ABR: variants seen among roughly 807,000 people sequenced by gnomAD.
ABR encodes the protein ABR activator of RhoGEF and GTPase, also known as active breakpoint cluster region-related protein.
ABR carries 35 observed loss-of-function variants against 107.2 expected under a neutral mutation model. The observed-to-expected ratio is 0.33, with a 90% CI of 0.25 to 0.43. The LOEUF is 0.43. Ranked by LOEUF, ABR falls within the 20% of genes least tolerant of loss-of-function variation. The pLI, the probability that ABR is intolerant of heterozygous loss-of-function variation, is 1.00. For synonymous variants in ABR, 498 were observed against 462.0 expected, an observed-to-expected ratio of 1.08 and a Z score of -1.00; for missense variants, 815 against 1,115.2, an observed-to-expected ratio of 0.73 and a Z score of 3.83.
intron 4 of ABR, among the ~76,000 whole-genome samples, chr17:1,090,803 C>T (rs1333627521): frequency 2.0e-5 from 3 of 152,178 alleles, no homozygotes; most frequent in Non-Finnish European, 2.9e-5. Context: ...GGTCCTCTGG[C>T]CACTCACACC....
chr17:1,160,031 A>G (rs957181039), intron 1 of ABR, among the ~76,000 whole-genome samples: 1 of 152,064 alleles, frequency 6.6e-6, no homozygotes, highest in East Asian at 1.9e-4. Context: ...CTTGGGGCTG[A>G]GAGGAGAGGG....
intron 2 of ABR, among the ~76,000 whole-genome samples, chr17:1,103,684 A>G (rs2038058293): frequency 6.6e-6 from 1 of 152,144 alleles, no homozygotes; most frequent in South Asian, 2.1e-4. Context: ...AAGACAACTC[A>G]GGAAGACCCT....
chr17:1,176,278 T>C (rs2041916172), intron 1 of ABR, among the ~76,000 whole-genome samples: 1 of 152,042 alleles, frequency 6.6e-6, no homozygotes, highest in African/African-American at 2.4e-5. Context: ...ATTGAAGCCA[T>C]TTACCCTGCT....
intron 16 of ABR, chr17:1,031,882 C>CCCCCCCTCCCTCCGTCCGCGTCCCT (rs2072824811): frequency 8.7e-7 from 1 of 1,148,516 alleles, no homozygotes; most frequent in Non-Finnish European, 1.1e-6. Context: ...GCGCTCCCCT[C>CCCCCCCTCCCTCCGTCCGCGTCCCT]CCTCCCTCCC....
chr17:1,079,465 G>A, intron 5 of ABR, 75 bp from the exon 6 acceptor site: 1 of 1,385,762 alleles, frequency 7.2e-7, no homozygotes, highest in Non-Finnish European at 1.0e-6. Flanking sequence ...AGCCTGGCAA[G>A]AAGGGGAGTT....
At chr17:1,144,887 C>T (rs757714128) in intron 1 of ABR, among the ~76,000 whole-genome samples, 7 of 152,018 alleles carry the variant, frequency 4.6e-5, no homozygotes, top group Non-Finnish European at 7.4e-5. Flanking sequence ...GGGTGTGTGG[C>T]GGGCCCCTGT....
intron 1 of ABR, among the ~76,000 whole-genome samples, chr17:1,173,704 T>C: frequency 6.6e-6 from 1 of 152,102 alleles, no homozygotes; most frequent in South Asian, 2.1e-4. Context: ...CGAGTTTTCT[T>C]TTTCCCACCC....
Position 1,135,808 on chromosome 17 carries a change from G to A in ABR, c.62-10441C>T, listed in dbSNP as rs945311622. Among the ~76,000 whole-genome samples the A allele has an allele frequency of 4.6e-5, 7 of 152,116 alleles. No individual in the cohort carries two copies. The South Asian group carries it at 1.2e-3, about 27-fold the overall frequency. On this transcript the variant is annotated intron_variant, in intron 1 of 22. Transcript: ENST00000302538. ...GGAGATTCACTTGAACCCGGGAGGC[G>A]GAGGTTGCAGTGAGGCAAGATTGGG...
intron 5 of ABR, 147 bp downstream of exon 5, chr17:1,083,373 A>G: frequency 4.7e-6 from 2 of 425,882 alleles, no homozygotes; most frequent in Non-Finnish European, 8.7e-6. Flanking sequence ...GGAAAATGTC[A>G]GGTGCAAGAA....
chr17:1,033,341 G>A (rs1428116374), intron 16 of ABR, among the ~76,000 whole-genome samples: 1 of 152,194 alleles, frequency 6.6e-6, no homozygotes, highest in Non-Finnish European at 1.5e-5. Context: ...AGGCATCATG[G>A]ATTAAGTCAC....
At position 1,150,313 on chromosome 17, in the gene ABR, T is replaced by C. The variant is rs2151527597; in HGVS notation, c.62-24946A>G. Among the ~76,000 whole-genome samples the C allele has an allele frequency of 6.6e-6, 1 of 152,310 alleles. No individual in the cohort carries two copies. The highest frequency in any genetic ancestry group is 1.9e-4 in the East Asian group (1 of 5,188). On this transcript the variant is annotated intron_variant, in intron 1 of 22. Transcript: ENST00000302538. This position sits in a 1 kb window ranked among gnomAD's most constrained non-coding sequence, Gnocchi z 4.8. ...GCACTCAGATCTCCTCTCTCATCTT[T>C]TGCCCACAATGGGAAAGGAGGTAAG...
chr17:1,097,582 C>T (rs2151324145), intron 3 of ABR, among the ~76,000 whole-genome samples: 1 of 123,146 alleles, frequency 8.1e-6, no homozygotes, highest in East Asian at 2.4e-4. Flanking sequence ...CAGAGCAAGA[C>T]TCCGTCTCAA....
At chr17:1,127,024 G>C (rs1343859314) in intron 1 of ABR, among the ~76,000 whole-genome samples, 1 of 152,214 alleles carries the variant, frequency 6.6e-6, no homozygotes, top group South Asian at 2.1e-4. Flanking sequence ...GGAGAATGGT[G>C]TCAACAGGTC....
chr17:1,195,589 G>C (rs2042543951), intron 1 of ABR, among the ~76,000 whole-genome samples: 1 of 151,460 alleles, frequency 6.6e-6, no homozygotes, highest in African/African-American at 2.4e-5. Flanking sequence ...TGGATCACGA[G>C]GTCAGGAGAT....
At chr17:1,101,043 A>G (rs1489779232) in intron 2 of ABR, 2 of 373,680 alleles carry the variant, frequency 5.4e-6, no homozygotes, top group East Asian at 5.4e-5. Context: ...AGGCTGATAT[A>G]GAACTCCTGA....
At chr17:1,026,776 G>A (rs1409291750) in intron 16 of ABR, among the ~76,000 whole-genome samples, 2 of 152,214 alleles carry the variant, frequency 1.3e-5, no homozygotes, top group African/African-American at 2.4e-5. Context: ...CAGGGGAAAC[G>A]AGGTCAAAGA....
At chr17:1,199,915 GCT>G (rs1171987110) in intron 1 of ABR, among the ~76,000 whole-genome samples, 2 of 139,136 alleles carry the variant, frequency 1.4e-5, no homozygotes, top group East Asian at 3.2e-4. Context: ...ATATAATAGA[GCT>G]CTTTTTTCTT....
intron 2 of ABR, among the ~76,000 whole-genome samples, chr17:1,111,598 G>A (rs1320929971): frequency 1.3e-5 from 2 of 152,194 alleles, no homozygotes; most frequent in Non-Finnish European, 2.9e-5. Flanking sequence ...CTCCCTCTCC[G>A]ACTCTTTGGC....
chr17:1,208,074 T>A (rs1351417959), intron 1 of ABR, among the ~76,000 whole-genome samples: 1 of 152,108 alleles, frequency 6.6e-6, no homozygotes, highest in Admixed American at 6.6e-5. Context: ...CCTGTCCAGA[T>A]CAACCACTTT....
Sources: gnomAD v4.1 joint callset for allele counts (sites outside exome capture counted in the v4.1 genomes callset) on GRCh38, gnomAD v4.1.1 for gene constraint, Gnocchi (gnomAD v3.1) non-coding constraint, MANE v1.5 for transcripts, NCBI Gene and HGNC (gene_info 2026-07-23, HGNC 2026-07-21) for gene names.